STK32A: variants seen among roughly 807,000 people sequenced by gnomAD.
STK32A encodes serine/threonine-protein kinase 32A.
A neutral mutation model predicts 53.2 loss-of-function variants in STK32A; 41 were observed. The observed-to-expected ratio is 0.77, with a 90% CI of 0.60 to 1.00. STK32A has a LOEUF of 1.00. Among genes scored for constraint, STK32A ranks in the 50% least tolerant of loss-of-function variants. The pLI is 0.00. For missense variants in STK32A, 458 were observed against 485.8 expected (o/e 0.94, Z 0.54); for synonymous variants, 166 against 162.8 (o/e 1.02, Z -0.15).
At chr5:147,358,072 T>C (rs1756336632) in intron 7 of STK32A, among the ~76,000 whole-genome samples, 1 of 152,084 alleles carries the variant, frequency 6.6e-6, no homozygotes, top group Admixed American at 6.6e-5. Flanking sequence ...ATTAAATGTA[T>C]AGATTAGTGT....
chr5:147,261,297 C>G (rs541574632), intron 2 of STK32A, among the ~76,000 whole-genome samples: 1 of 152,288 alleles, frequency 6.6e-6, no homozygotes, highest in African/African-American at 2.4e-5. Context: ...TAGAAGGGTG[C>G]GCCCTTACAG....
intron 7 of STK32A, among the ~76,000 whole-genome samples, chr5:147,359,457 G>T (rs1412048526): frequency 6.6e-6 from 1 of 152,172 alleles, no homozygotes; most frequent in African/African-American, 2.4e-5. Context: ...AAAGTGAAAA[G>T]AATACTCATG....
chr5:147,397,734 C>A, the STK32A span: 1 of 1,614,076 alleles, frequency 6.2e-7, no homozygotes, highest in East Asian at 2.2e-5. Context: ...AAGCGGCCAG[C>A]CCCCTGGGTC....
At chr5:147,354,935 C>G (rs1399523037) in intron 7 of STK32A, among the ~76,000 whole-genome samples, 1 of 152,144 alleles carries the variant, frequency 6.6e-6, no homozygotes, top group East Asian at 1.9e-4. Flanking sequence ...CACACTCCTC[C>G]TTTTGGATAG....
chr5:147,252,121 T>C (rs1053994554), intron 2 of STK32A, among the ~76,000 whole-genome samples: 3 of 152,108 alleles, frequency 2.0e-5, no homozygotes, highest in African/African-American at 7.2e-5. Flanking sequence ...CACACTAGCC[T>C]GGGCAACAGA....
At chr5:147,349,023 T>G (rs997047921) in intron 6 of STK32A, among the ~76,000 whole-genome samples, 3 of 152,138 alleles carry the variant, frequency 2.0e-5, no homozygotes, top group Admixed American at 2.0e-4. Context: ...CACCACAGTC[T>G]CCAGACTCAC....
Position 147,384,089 on chromosome 5 carries a change from G to A in STK32A, c.*106G>A. The A allele has an allele frequency of 6.7e-7, 1 of 1,500,238 alleles. No individual in the cohort carries two copies. The highest frequency in any genetic ancestry group is 8.8e-7 in the Non-Finnish European group (1 of 1,135,168). 92.9% of individuals were successfully genotyped at this position (1,500,238 alleles called of 1,614,324 possible). A position where few individuals can be genotyped will look rare whatever the true frequency, so the allele number is the denominator to read the frequency against. ...TTGCCACTCCACACACCATGACTTA[G>A]AAAATGTGAATGAATATATTTCAAA... On this transcript the variant is annotated 3_prime_UTR_variant, in exon 13 of 13. Coordinates refer to ENST00000397936, the MANE Select transcript of STK32A (RefSeq NM_001112724.2).
chr5:147,344,793 T>G (rs1561735683), intron 6 of STK32A, among the ~76,000 whole-genome samples: 1 of 152,188 alleles, frequency 6.6e-6, no homozygotes, highest in African/African-American at 2.4e-5. Flanking sequence ...TGTGCATGAT[T>G]TCTGCTGTTC....
intron 2 of STK32A, among the ~76,000 whole-genome samples, chr5:147,254,009 C>A (rs80035884): frequency 2.0e-5 from 3 of 151,960 alleles, no homozygotes; most frequent in Non-Finnish European, 4.4e-5. Flanking sequence ...ATTCTAGAAC[C>A]CTCTCTTCAT....
chr5:147,254,754 G>C (rs773058671), intron 2 of STK32A, among the ~76,000 whole-genome samples: 6 of 152,206 alleles, frequency 3.9e-5, no homozygotes, highest in Non-Finnish European at 8.8e-5. Flanking sequence ...GCAGATAGCA[G>C]GTAATCGGAC....
At chr5:147,301,259 G>A (rs1260581159) in intron 4 of STK32A, among the ~76,000 whole-genome samples, 1 of 151,394 alleles carries the variant, frequency 6.6e-6, no homozygotes, top group Non-Finnish European at 1.5e-5. Flanking sequence ...TCATGGGGAG[G>A]TCCTCAGAGA....
At chr5:147,393,396 G>A in the STK32A span, 9 of 152,190 alleles carry the variant, frequency 5.9e-5, no homozygotes, top group African/African-American at 1.7e-4. Context: ...TTTAATAAAC[G>A]TTCAAAGAAA....
At chr5:147,399,233 T>G in the STK32A span, 2 of 1,614,180 alleles carry the variant, frequency 1.2e-6, no homozygotes, top group Non-Finnish European at 1.7e-6. Flanking sequence ...GAACTGGTTT[T>G]CGTCCATTTT....
At chr5:147,393,826 A>C in the STK32A span, 2 of 585,814 alleles carry the variant, frequency 3.4e-6, no homozygotes, top group Non-Finnish European at 6.0e-6. Flanking sequence ...GGAGTCAAAC[A>C]AATCAAGGCT....
intron 2 of STK32A, among the ~76,000 whole-genome samples, chr5:147,248,924 AT>A (rs1212320184): frequency 3.4e-5 from 5 of 145,356 alleles, no homozygotes; most frequent in African/African-American, 5.2e-5. Flanking sequence ...TGATGAAGTA[AT>A]TTTTTTTTAT....
intron 8 of STK32A, 137 bp downstream of exon 8, chr5:147,361,751 C>T (rs2151998526): frequency 4.5e-6 from 3 of 673,144 alleles, no homozygotes; most frequent in East Asian, 5.5e-5. Context: ...TTGATAACAC[C>T]CCTTGAGATT....
At chr5:147,264,021 A>T in intron 2 of STK32A, among the ~76,000 whole-genome samples, 1 of 152,236 alleles carries the variant, frequency 6.6e-6, no homozygotes, top group South Asian at 2.1e-4. Flanking sequence ...AAGGTAGAAG[A>T]TAAGAGCAAA....
chr5:147,382,234 T>C (rs1757480286), intron 11 of STK32A, among the ~76,000 whole-genome samples: 1 of 152,242 alleles, frequency 6.6e-6, no homozygotes, highest in Admixed American at 6.5e-5. Context: ...AGCAAATTTT[T>C]AAATTTTAGT....
In STK32A at chr5:147,347,323, C is replaced by CAA. The variant is rs72262381; in HGVS notation, c.473-3732_473-3731dup. The stretch of plus-strand genomic sequence containing the variant: ...GATCCTCTATCCCAAGCAATAGAGG[C>CAA]AAAAAAAAAAAGGCAGAAACCCTCT... On this transcript the variant is annotated intron_variant, in intron 6 of 12. Transcript: ENST00000397936. Among the ~76,000 whole-genome samples, 351 of 142,304 alleles carry CAA rather than the reference C, an allele frequency of 2.5e-3. 1 individual carries two copies. Among genetic ancestry groups the CAA allele is most frequent in the African/African-American group, 8.3e-3 (330 of 39,748 alleles). 93.4% of individuals were successfully genotyped at this position (142,304 alleles called of 152,430 possible). A position where few individuals can be genotyped will look rare whatever the true frequency, so the allele number is the denominator to read the frequency against.
Sources: gnomAD v4.1 joint callset for allele counts (sites outside exome capture counted in the v4.1 genomes callset) on GRCh38, gnomAD v4.1.1 for gene constraint, MANE v1.5 for transcripts, NCBI Gene and HGNC (gene_info 2026-07-23, HGNC 2026-07-21) for gene names.